Variants in SPG11 observed in about 807,000 individuals in gnomAD.
The protein encoded by SPG11 is SPG11 vesicle trafficking associated, spatacsin, also known as spatacsin.
In SPG11, 222 loss-of-function variants were observed where a neutral mutation model predicts 274.0. The ratio of observed to expected loss-of-function variants is 0.81; its 90% confidence interval spans 0.73 to 0.91. The LOEUF is 0.91. Ranked by LOEUF, SPG11 falls within the 40% of genes least tolerant of loss-of-function variation. The pLI is 0.00. For missense variants in SPG11, 3,114 were observed against 2,872.7 expected (o/e 1.08, Z -1.92); for synonymous variants, 1,144 against 1,039.7 (o/e 1.10, Z -1.93).
intron 7 of SPG11, among the ~76,000 whole-genome samples, chr15:44,644,536 C>T (rs1343787534): frequency 6.6e-6 from 1 of 152,142 alleles, no homozygotes; most frequent in Non-Finnish European, 1.5e-5. Flanking sequence ...TCTACTCTCA[C>T]CACTCCTATT....
chr15:44,578,018 C>G (rs189898755), intron 30 of SPG11, among the ~76,000 whole-genome samples: 4 of 143,054 alleles, frequency 2.8e-5, no homozygotes, highest in Non-Finnish European at 6.0e-5. Flanking sequence ...AGCCTTCTTT[C>G]CTTTTTTTTT....
chr15:44,576,756 T>C (rs187783753), intron 30 of SPG11, among the ~76,000 whole-genome samples: 34 of 152,274 alleles, frequency 2.2e-4, no homozygotes, highest in Non-Finnish European at 4.4e-4. Flanking sequence ...ATTGTGTTGC[T>C]TACAAGTAGA....
intron 30 of SPG11, among the ~76,000 whole-genome samples, chr15:44,575,871 G>A (rs972500618): frequency 6.6e-5 from 10 of 152,010 alleles, no homozygotes; most frequent in African/African-American, 1.7e-4. Context: ...GGACGGGTGC[G>A]GTGGCTCACG....
intron 8 of SPG11, among the ~76,000 whole-genome samples, chr15:44,632,173 G>C (rs1249828728): frequency 2.6e-5 from 4 of 152,058 alleles, no homozygotes; most frequent in Non-Finnish European, 5.9e-5. Flanking sequence ...ATTGAAGATT[G>C]AAACTGGACT....
At chr15:44,650,927 T>C (rs972977855) in intron 6 of SPG11, among the ~76,000 whole-genome samples, 62 of 152,258 alleles carry the variant, frequency 4.1e-4, no homozygotes, top group African/African-American at 1.4e-3. Flanking sequence ...TTTGTATTTT[T>C]AGTAGAGACA....
intron 7 of SPG11, among the ~76,000 whole-genome samples, chr15:44,648,445 G>A (rs1360250599): frequency 3.3e-5 from 5 of 151,238 alleles, no homozygotes; most frequent in South Asian, 2.1e-4. Context: ...CCTGGGAGGC[G>A]GAGGTTGCAG....
intron 36 of SPG11, 169 bp downstream of exon 36, chr15:44,567,255 G>T: frequency 1.6e-6 from 1 of 624,834 alleles, no homozygotes; most frequent in Non-Finnish European, 2.7e-6. Flanking sequence ...GGAGGCTGAG[G>T]CGGGAGAATC....
rs2082716750 is a variant in SPG11 at position 44,584,437 on chromosome 15, G to C, written c.5243C>G (p.Ala1748Gly). The change falls in exon 30 of 40, where the codon GCT (alanine) becomes GGT (glycine). Residue 1748 changes from alanine to glycine, a missense_variant. Physicochemically the swap from Ala to Gly is moderately conservative, Grantham distance 60. Coordinates refer to ENST00000261866, the MANE Select transcript of SPG11 (RefSeq NM_025137.4). ...GGCCTGGGTTGAGAAAAAGGAAGAA[G>C]CTGCTTTGCTTGAAATTGAATTTTT... ...FKKNSISSKA[A>G]SSFFSTQAHV... is the part of the protein sequence containing the mutation. 1 of 1,614,226 alleles carries C rather than the reference G, an allele frequency of 6.2e-7. No homozygotes were observed. Among genetic ancestry groups the C allele is most frequent in the Non-Finnish European group, 8.5e-7 (1 of 1,180,046 alleles).
At chr15:44,636,936 A>AAACAAAC (rs2084281872) in intron 7 of SPG11, among the ~76,000 whole-genome samples, 1 of 119,030 alleles carries the variant, frequency 8.4e-6, no homozygotes, top group East Asian at 3.1e-4. Context: ...AAAAAAAAAA[A>AAACAAAC]AAAAAAAAAA....
intron 28 of SPG11, among the ~76,000 whole-genome samples, chr15:44,586,595 G>C (rs2082770189): frequency 6.6e-6 from 1 of 152,124 alleles, no homozygotes. Context: ...AGTGAGCCGA[G>C]ATGGTGCCAT....
At chr15:44,625,390 T>C (rs929407702) in intron 11 of SPG11, among the ~76,000 whole-genome samples, 10 of 152,110 alleles carry the variant, frequency 6.6e-5, no homozygotes, top group African/African-American at 2.2e-4. Context: ...AGGAGGGGCC[T>C]GTTGGGAGGT....
intron 30 of SPG11, among the ~76,000 whole-genome samples, chr15:44,582,255 G>C (rs2082671261): frequency 6.6e-6 from 1 of 151,832 alleles, no homozygotes; most frequent in South Asian, 2.1e-4. Flanking sequence ...AAACCAAACA[G>C]TATAAAAAAA....
At chr15:44,596,050 G>C in intron 25 of SPG11, 33 bp downstream of exon 25, 1 of 1,611,590 alleles carries the variant, frequency 6.2e-7, no homozygotes, top group Non-Finnish European at 8.5e-7. Flanking sequence ...ATTGTTCTCT[G>C]GGTACTTACT....
intron 38 of SPG11, among the ~76,000 whole-genome samples, chr15:44,565,474 A>G (rs947776052): frequency 6.6e-6 from 1 of 152,170 alleles, no homozygotes; most frequent in Non-Finnish European, 1.5e-5. Flanking sequence ...CCTGTCACTG[A>G]TCTGACAGGA....
chr15:44,625,973 C>G (rs567967440), intron 11 of SPG11, among the ~76,000 whole-genome samples: 2 of 152,228 alleles, frequency 1.3e-5, no homozygotes, highest in African/African-American at 4.8e-5. Context: ...AGCCACCACG[C>G]CCGGCTCAGG....
intron 3 of SPG11, 91 bp from the exon 4 acceptor site, chr15:44,657,387 C>G: frequency 1.7e-6 from 2 of 1,209,854 alleles, no homozygotes; most frequent in Non-Finnish European, 1.2e-6. Context: ...GACTTTATCA[C>G]TCCAATTTTG....
chr15:44,574,388 CA>C lies in SPG11; in HGVS notation c.6006+513del, dbSNP rs1206271338. Among the ~76,000 whole-genome samples the C allele has an allele frequency of 4.6e-5, 7 of 152,286 alleles. No homozygotes were observed. In the East Asian group the frequency reaches 1.4e-3, roughly 29 times the overall value. On this transcript the variant is annotated intron_variant, in intron 31 of 39. Transcript: ENST00000261866. ...ATTCCCAGAGCAGCAGCAAAACCCTCAATTTCCAAAGAAGTCTTTGAGTCTT... is the reference window on the plus strand; with the variant it reads ...ATTCCCAGAGCAGCAGCAAAACCCTCATTTCCAAAGAAGTCTTTGAGTCTT...
intron 27 of SPG11, among the ~76,000 whole-genome samples, chr15:44,590,224 T>G (rs1306409113): frequency 6.6e-6 from 1 of 152,218 alleles, no homozygotes; most frequent in Non-Finnish European, 1.5e-5. Context: ...TTCTACCACT[T>G]TGCTTGTAGT....
chr15:44,570,337 CTCTGAT>C (rs1288415610), intron 34 of SPG11, among the ~76,000 whole-genome samples, 182 bp downstream of exon 34: 4 of 152,192 alleles, frequency 2.6e-5, no homozygotes, highest in African/African-American at 7.2e-5. Flanking sequence ...TTGGAGCAAC[CTCTGAT>C]TCTGACAGAA....
Sources: gnomAD v4.1 joint callset for allele counts (sites outside exome capture counted in the v4.1 genomes callset) on GRCh38, gnomAD v4.1.1 for gene constraint, MANE v1.5 for transcripts, NCBI Gene and HGNC (gene_info 2026-07-23, HGNC 2026-07-21) for gene names.